MUC5AC: variants seen among roughly 807,000 people sequenced by gnomAD.
MUC5AC encodes the protein mucin 5AC, oligomeric mucus/gel-forming.
In MUC5AC, 158 loss-of-function variants were observed where a neutral mutation model predicts 169.7. The ratio of observed to expected loss-of-function variants is 0.93; its 90% confidence interval spans 0.82 to 1.06. The LOEUF (loss-of-function observed/expected upper bound fraction) is 1.06. MUC5AC is among the 50% of genes least tolerant of loss of function. The pLI is 0.00. For synonymous variants in MUC5AC, 1,975 were observed against 1,237.0 expected (o/e 1.60, Z -12.52); for missense variants, 4,359 against 3,089.9 (o/e 1.41, Z -9.74).
At chr11:1,168,592 G>C in intron 13 of MUC5AC, 40 bp downstream of exon 13, 2 of 1,612,486 alleles carry the variant, frequency 1.2e-6, no homozygotes, top group Non-Finnish European at 1.7e-6. Flanking sequence ...GGGCTGCCTG[G>C]GGTCCCGCCC....
In MUC5AC at chr11:1,200,073, G is replaced by A. The variant is rs540478050; in HGVS notation, c.16700+104G>A. 3.8e-4 allele frequency: 237 copies of A among 622,182 alleles called. 7 individuals are homozygous for A. The South Asian group carries it at 4.2e-3, about 11-fold the overall frequency. 38.5% of individuals were successfully genotyped at this position (622,182 alleles called of 1,614,324 possible). On this transcript the variant is annotated intron_variant, in intron 48 of 48. Coordinates refer to ENST00000621226, the MANE Select transcript of MUC5AC (RefSeq NM_001304359.2). Reference sequence around the variant, plus strand: ...ATAGACGAGGGGCAGGACCATGAGGGGCCAGGCAAAGGGCTCTGAGGGTGA... The same window carrying A: ...ATAGACGAGGGGCAGGACCATGAGGAGCCAGGCAAAGGGCTCTGAGGGTGA...
intron 25 of MUC5AC, 68 bp downstream of exon 25, chr11:1,178,751 G>T: frequency 1.2e-6 from 1 of 856,520 alleles, no homozygotes; most frequent in Non-Finnish European, 1.6e-6. Context: ...CCCCCAGAAG[G>T]GAGAAGGGAA....
chr11:1,188,383 G>A lies in MUC5AC; in HGVS notation c.10238G>A (p.Ser3413Asn), dbSNP rs1861005066. Residue 3413 changes from serine (S) to asparagine (N), a missense_variant, in exon 31 of 49, where the codon AGC becomes AAC. Transcript: ENST00000621226. ...QTSISSAPTS[S>N]TTSAPTSSTI... ...AGCATATCCTCTGCCCCTACAAGCA[G>A]CACAACCTCGGCTCCTACAAGCAGC... 5 of 633,254 alleles carry A rather than the reference G, an allele frequency of 7.9e-6. No homozygotes were observed. Among genetic ancestry groups the A allele is most frequent in the South Asian group, 3.4e-5 (2 of 59,618 alleles). 39.2% of individuals were successfully genotyped at this position (633,254 alleles called of 1,614,324 possible).
chr11:1,193,925 C>T (rs929834111), intron 33 of MUC5AC, among the ~76,000 whole-genome samples, 185 bp from the exon 34 acceptor site: 3 of 152,236 alleles, frequency 2.0e-5, no homozygotes, highest in East Asian at 1.9e-4. Flanking sequence ...CCTTGTCAAG[C>T]GCCCGCTGGA....
At position 1,180,141 on chromosome 11, in the gene MUC5AC, G is replaced by C; in HGVS notation, c.3604G>C (p.Gly1202Arg). ...TGGAGACTGCCTGCGGGACGTCCGG[G>C]GCCTGGAAGGTGGGCTGGGGCCGGT... ...PRGDCLRDVR[G>R]LEGCYPKCPP... is the part of the protein sequence containing the mutation. The change falls in exon 27 of 49, where the codon GGC (glycine) becomes CGC (arginine). Residue 1202 changes from glycine to arginine, a missense_variant. Physicochemically the swap from Gly to Arg is moderately radical, Grantham distance 125. Transcript: ENST00000621226. 2.5e-6 allele frequency: 1 copy of C among 393,242 alleles called. No homozygotes were observed. The highest frequency in any genetic ancestry group is 3.6e-5 in the East Asian group (1 of 27,702). 24.4% of individuals were successfully genotyped at this position (393,242 alleles called of 1,614,324 possible). A position where few individuals can be genotyped will look rare whatever the true frequency, so the allele number is the denominator to read the frequency against.
intron 1 of MUC5AC, 93 bp from the exon 2 acceptor site, chr11:1,160,519 C>G: frequency 8.9e-7 from 1 of 1,117,464 alleles, no homozygotes; most frequent in Non-Finnish European, 1.3e-6. Flanking sequence ...TGTGGCCTCC[C>G]GTCCCTCTGG....
Position 1,185,983 on chromosome 11 carries a change from ACT to A in MUC5AC, c.7841_7842del (p.Ser2614CysfsTer19). 1 of 636,460 alleles carries A rather than the reference ACT, an allele frequency of 1.6e-6. No homozygotes were observed. Among genetic ancestry groups the A allele is most frequent in the East Asian group, 3.0e-5 (1 of 33,720 alleles). 39.4% of individuals were successfully genotyped at this position (636,460 alleles called of 1,614,324 possible). A position where few individuals can be genotyped will look rare whatever the true frequency, so the allele number is the denominator to read the frequency against. The stretch of plus-strand genomic sequence containing the variant: ...ACCTCTGCACCTACAACCAGCACAA[ACT>A]CTGCCCCTATAAGCAGCACAACCTC... On this transcript the variant is annotated frameshift_variant, in exon 31 of 49. Transcript: ENST00000621226. LOFTEE classifies it high-confidence loss of function.
At position 1,189,778 on chromosome 11, in the gene MUC5AC, G is replaced by A; in HGVS notation, c.11633G>A (p.Ser3878Asn). 1.4e-6 allele frequency: 1 copy of A among 695,698 alleles called. No homozygotes were observed. Among genetic ancestry groups the A allele is most frequent in the Non-Finnish European group, 2.6e-6 (1 of 382,122 alleles). 43.1% of individuals were successfully genotyped at this position (695,698 alleles called of 1,614,324 possible). Residue 3878 changes from serine to asparagine, a missense_variant, in exon 31 of 49, where the codon AGC becomes AAC. Transcript: ENST00000621226. ...TASTISAPTT[S>N]TTSFHTTSTT... ...AGCACAATCTCTGCCCCTACAACCA[G>A]CACAACCTCTTTCCATACAACCAGC...
Position 1,187,175 on chromosome 11 carries a change from C to A in MUC5AC, c.9030C>A (p.Thr3010=). Residue 3010 remains threonine (T), a synonymous_variant, in exon 31 of 49, where the codon ACC becomes ACA. Transcript: ENST00000621226. ...PTTSTISAPT[T]STPSAPTTST... ...CCAGCACAATCTCGGCCCCAACAAC[C>A]AGCACACCCTCTGCCCCTACAACCA... 2 of 706,322 alleles carry A rather than the reference C, an allele frequency of 2.8e-6. No individual in the cohort carries two copies. Among genetic ancestry groups the A allele is most frequent in the South Asian group, 1.5e-5 (1 of 68,180 alleles). The allele number at this position is 706,322 out of a possible 1,614,324, so 43.8% of individuals were successfully genotyped here.
rs574359134 is a variant in MUC5AC at position 1,158,938 on chromosome 11, G to A, written c.73+866G>A. 8.5e-5 allele frequency among the ~76,000 whole-genome samples: 13 copies of A among 152,302 alleles called. No individual in the cohort carries two copies. The East Asian group carries it at 1.7e-3, about 20-fold the overall frequency. ...TGCCACCCTCCACTGTGGCCTAGTC[G>A]GACTCTGCCCCGCCGTCCCTCGTCT... is the stretch of plus-strand genomic sequence containing the variant. On this transcript the variant is annotated intron_variant, in intron 1 of 48. Coordinates refer to ENST00000621226, the MANE Select transcript of MUC5AC (RefSeq NM_001304359.2).
chr11:1,195,142 G>A lies in MUC5AC; in HGVS notation c.15321G>A (p.Pro5107=), dbSNP rs759628987. The A allele has an allele frequency of 7.9e-6, 6 of 761,366 alleles. No homozygotes were observed. Among genetic ancestry groups the A allele is most frequent in the South Asian group, 1.3e-5 (1 of 74,526 alleles). The allele number at this position is 761,366 out of a possible 1,614,324, so 47.2% of individuals were successfully genotyped here. Residue 5107 remains proline, a synonymous_variant, in exon 36 of 49, where the codon CCG becomes CCA. Coordinates refer to ENST00000621226, the MANE Select transcript of MUC5AC (RefSeq NM_001304359.2). ...PDQPACHRPH[P]TPTTVGPTTV... is the part of the protein sequence containing the mutation. ...AGCCAGCCTGCCACCGGCCTCACCC[G>A]ACGCCCACCACGGTCGGGCCCACCA...
chr11:1,182,242 C>A lies in MUC5AC; in HGVS notation c.4097C>A (p.Thr1366Asn), dbSNP rs1278515820. ...PSSAWPTTAGTSPRTRLPTAS... is the reference protein window; with the variant it reads ...PSSAWPTTAGNSPRTRLPTAS... ...AGCGCCTGGCCCACCACAGCAGGCACTTCTCCCAGGACGAGGCTGCCCACA... is the reference window on the plus strand; with the variant it reads ...AGCGCCTGGCCCACCACAGCAGGCAATTCTCCCAGGACGAGGCTGCCCACA... The change falls in exon 31 of 49, where the codon ACT becomes AAT. Residue 1366 changes from threonine to asparagine, a missense_variant. Physicochemically the swap from Thr to Asn is moderately conservative, Grantham distance 65. Coordinates refer to ENST00000621226, the MANE Select transcript of MUC5AC (RefSeq NM_001304359.2). 5.0e-6 allele frequency: 2 copies of A among 398,538 alleles called. No individual in the cohort carries two copies. The highest frequency in any genetic ancestry group is 2.1e-5 in the African/African-American group (1 of 48,646). The allele number at this position is 398,538 out of a possible 1,614,324, so 24.7% of individuals were successfully genotyped here.
At position 1,195,146 on chromosome 11, in the gene MUC5AC, C is replaced by T. The variant is rs376045464; in HGVS notation, c.15325C>T (p.Pro5109Ser). The T allele has an allele frequency of 1.3e-6, 1 of 760,410 alleles. No individual in the cohort carries two copies. Among genetic ancestry groups the T allele is most frequent in the Non-Finnish European group, 2.4e-6 (1 of 416,256 alleles). The allele number at this position is 760,410 out of a possible 1,614,324, so 47.1% of individuals were successfully genotyped here. A position where few individuals can be genotyped will look rare whatever the true frequency, so the allele number is the denominator to read the frequency against. ...AGCCTGCCACCGGCCTCACCCGACG[C>T]CCACCACGGTCGGGCCCACCACAGT... ...QPACHRPHPT[P>S]TTVGPTTVGS... is the part of the protein sequence containing the mutation. Residue 5109 changes from proline to serine, a missense_variant, in exon 36 of 49, where the codon CCC becomes TCC. Physicochemically the swap from Pro to Ser is moderately conservative, Grantham distance 74 (BLOSUM62 -1). Transcript: ENST00000621226.
chr11:1,175,915 C>T (rs1375505908), intron 19 of MUC5AC, among the ~76,000 whole-genome samples: 7 of 142,330 alleles, frequency 4.9e-5, no homozygotes, highest in African/African-American at 1.8e-4. Context: ...GCACACACAC[C>T]CACTCATGCA....
chr11:1,162,908 C>A, intron 5 of MUC5AC, 47 bp from the exon 6 acceptor site: 4 of 1,542,768 alleles, frequency 2.6e-6, no homozygotes, highest in Non-Finnish European at 3.6e-6. Context: ...CTCATCTGTC[C>A]ATCTGCCCCT....
chr11:1,169,175 G>A, intron 15 of MUC5AC, 149 bp downstream of exon 15: 1 of 1,404,284 alleles, frequency 7.1e-7, no homozygotes, highest in Non-Finnish European at 9.2e-7. Flanking sequence ...CAGGCTCATG[G>A]TGGGCGCCCA....
chr11:1,192,113 C>T lies in MUC5AC; in HGVS notation c.13968C>T (p.Asn4656=), dbSNP rs1433386696. Residue 4656 remains asparagine (N), a synonymous_variant, in exon 31 of 49, where the codon AAC becomes AAT. Coordinates refer to ENST00000621226, the MANE Select transcript of MUC5AC (RefSeq NM_001304359.2). Reference sequence around the variant, plus strand: ...GCGGGGACAAGGAAACCTACAACAACATCATCAGGAGTGGGGAAAAAATCT... The same window carrying T: ...GCGGGGACAAGGAAACCTACAACAATATCATCAGGAGTGGGGAAAAAATCT... ...PHGGDKETYN[N]IIRSGEKICR... is the part of the protein sequence containing the mutation. The T allele has an allele frequency of 1.3e-6, 1 of 764,950 alleles. No individual in the cohort carries two copies. Among genetic ancestry groups the T allele is most frequent in the Non-Finnish European group, 2.4e-6 (1 of 417,894 alleles). 47.4% of individuals were successfully genotyped at this position (764,950 alleles called of 1,614,324 possible).
At position 1,200,860 on chromosome 11, in the gene MUC5AC, C is replaced by A; in HGVS notation, c.*158C>A. 1.9e-6 allele frequency: 1 copy of A among 534,342 alleles called. No homozygotes were observed. The allele number at this position is 534,342 out of a possible 1,614,324, so 33.1% of individuals were successfully genotyped here. A position where few individuals can be genotyped will look rare whatever the true frequency, so the allele number is the denominator to read the frequency against. ...CTTGTGGAGGGTGTGGGCTATGGGT[C>A]ACCTGCTGCCTGGAGGAGGGGCCCT... On this transcript the variant is annotated 3_prime_UTR_variant, in exon 49 of 49. Coordinates refer to ENST00000621226, the MANE Select transcript of MUC5AC (RefSeq NM_001304359.2).
intron 1 of MUC5AC, 132 bp from the exon 2 acceptor site, chr11:1,160,480 A>T: frequency 2.9e-6 from 2 of 697,236 alleles, no homozygotes; most frequent in Non-Finnish European, 5.0e-6. Flanking sequence ...GCACAGAGAG[A>T]GCCCTTGCCA....
Sources: allele counts gnomAD v4.1 joint callset (sites outside exome capture counted in the v4.1 genomes callset), GRCh38; gene constraint gnomAD v4.1.1; transcripts MANE v1.5; gene names NCBI Gene and HGNC (gene_info 2026-07-23, HGNC 2026-07-21).